DNAH6: variants seen among roughly 807,000 people sequenced by gnomAD.
DNAH6 encodes dynein axonemal heavy chain 6, also known as axonemal beta dynein heavy chain 6.
DNAH6 carries 340 observed loss-of-function variants against 491.4 expected under a neutral mutation model. The ratio of observed to expected loss-of-function variants is 0.69; its 90% CI spans 0.63 to 0.76. The LOEUF (loss-of-function observed/expected upper bound fraction) is 0.76. DNAH6 is among the 30% of genes least tolerant of loss of function. The pLI is 0.00. For synonymous variants in DNAH6, 1,603 were observed against 1,686.1 expected, an observed-to-expected ratio of 0.95 and a Z score of 1.21; for missense variants, 4,443 against 4,972.2, an observed-to-expected ratio of 0.89 and a Z score of 3.20.
chr2:84,658,610 A>T (rs1006212592), intron 36 of DNAH6, 136 bp downstream of exon 36: 1 of 598,906 alleles, frequency 1.7e-6, no homozygotes, highest in Non-Finnish European at 2.7e-6. Context: ...AATAGCTATG[A>T]TGTCATTCTT....
At chr2:84,560,243 T>A (rs1275392518) in intron 11 of DNAH6, among the ~76,000 whole-genome samples, 1 of 152,074 alleles carries the variant, frequency 6.6e-6, no homozygotes, top group Non-Finnish European at 1.5e-5. Flanking sequence ...ATTATTAGAT[T>A]TTAAGGCTAA....
chr2:84,698,855 C>G (rs1431058207), intron 47 of DNAH6, among the ~76,000 whole-genome samples: 1 of 152,098 alleles, frequency 6.6e-6, no homozygotes, highest in Admixed American at 6.6e-5. Flanking sequence ...ACTACACAGC[C>G]ATTAAAAATA....
At chr2:84,601,455 A>G (rs1685238808) in intron 18 of DNAH6, among the ~76,000 whole-genome samples, 1 of 152,002 alleles carries the variant, frequency 6.6e-6, no homozygotes, top group Non-Finnish European at 1.5e-5. Flanking sequence ...CCCCTTCATC[A>G]TTATTAATTT....
intron 42 of DNAH6, among the ~76,000 whole-genome samples, chr2:84,683,562 A>G (rs1296362946): frequency 6.6e-6 from 1 of 151,636 alleles, no homozygotes; most frequent in Non-Finnish European, 1.5e-5. Context: ...AGCTTGGATT[A>G]CAGGTGCACA....
chr2:84,510,333 C>T, the DNAH6 span, among the ~76,000 whole-genome samples: 1 of 152,130 alleles, frequency 6.6e-6, no homozygotes, highest in Admixed American at 6.6e-5. Flanking sequence ...TTTGATCTTC[C>T]ATCACTGATA....
At chr2:84,463,179 T>G in the DNAH6 span, among the ~76,000 whole-genome samples, 5 of 152,072 alleles carry the variant, frequency 3.3e-5, no homozygotes, top group Non-Finnish European at 5.9e-5. Context: ...TCTAAGAGAT[T>G]GTATCCAAAC....
At chr2:84,645,609 G>A (rs1689823980) in intron 33 of DNAH6, among the ~76,000 whole-genome samples, 3 of 152,078 alleles carry the variant, frequency 2.0e-5, no homozygotes, top group Non-Finnish European at 4.4e-5. Context: ...GGGGCTGTTT[G>A]TTTTTTCTTG....
intron 64 of DNAH6, chr2:84,777,766 A>G (rs1676288710): frequency 1.1e-6 from 1 of 922,160 alleles, no homozygotes; most frequent in Non-Finnish European, 1.8e-6. Context: ...GATTGCAACC[A>G]CTTCCAATAA....
At chr2:84,813,799 C>T (rs574171075) in intron 74 of DNAH6, among the ~76,000 whole-genome samples, 172 bp from the exon 75 acceptor site, 115 of 152,176 alleles carry the variant, frequency 7.6e-4, no homozygotes, top group African/African-American at 2.6e-3. Context: ...CAACATGACC[C>T]GCAGGCTTCC....
At chr2:84,714,617 T>C (rs1242758578) in intron 57 of DNAH6, among the ~76,000 whole-genome samples, 1 of 151,796 alleles carries the variant, frequency 6.6e-6, no homozygotes, top group Non-Finnish European at 1.5e-5. Context: ...ATCAGAATGT[T>C]TTTTACTCAA....
At chr2:84,590,368 G>A (rs1162185895) in intron 16 of DNAH6, among the ~76,000 whole-genome samples, 7 of 151,798 alleles carry the variant, frequency 4.6e-5, no homozygotes, top group Non-Finnish European at 8.8e-5. Flanking sequence ...AGTGGCAGGC[G>A]CCTGTAATCC....
rs146684859 is a variant in DNAH6 at position 84,793,704 on chromosome 2, G to A, written c.11240-2602G>A. On this transcript the variant is annotated intron_variant, in intron 68 of 76. Transcript: ENST00000389394. Reference sequence around the variant, plus strand: ...CTCCTTTTTACATCTTGGAATTGCCGATACAGGGATTCAGCAACTTAACCA... The same window carrying A: ...CTCCTTTTTACATCTTGGAATTGCCAATACAGGGATTCAGCAACTTAACCA... 9.5e-4 allele frequency among the ~76,000 whole-genome samples: 145 copies of A among 152,248 alleles called. 1 individual carries two copies. The highest frequency in any genetic ancestry group is 3.4e-3 in the Middle Eastern group (1 of 294).
the DNAH6 span, among the ~76,000 whole-genome samples, chr2:84,510,258 G>A: frequency 6.6e-6 from 1 of 152,168 alleles, no homozygotes; most frequent in African/African-American, 2.4e-5. Context: ...ATATTTCTTG[G>A]AGGCTTTGTT....
intron 47 of DNAH6, 143 bp from the exon 48 acceptor site, chr2:84,699,451 A>G: frequency 2.8e-6 from 2 of 715,866 alleles, no homozygotes; most frequent in East Asian, 2.8e-5. Context: ...GGTTGGAGTG[A>G]ATGTTGAACA....
At position 84,544,216 on chromosome 2, in the gene DNAH6, T is replaced by G; in HGVS notation, c.663-17T>G. The G allele has an allele frequency of 1.5e-6, 2 of 1,311,134 alleles. No homozygotes were observed. Among genetic ancestry groups the G allele is most frequent in the Non-Finnish European group, 2.1e-6 (2 of 969,314 alleles). 81.2% of individuals were successfully genotyped at this position (1,311,134 alleles called of 1,614,324 possible). ...TGAATACTTTATTTATTAGTCCCAA[T>G]TTTTATTTGTTTATAGAGTTGTAAG... On this transcript the variant is annotated splice_polypyrimidine_tract_variant and intron_variant, in intron 4 of 76. Coordinates refer to ENST00000389394, the MANE Select transcript of DNAH6 (RefSeq NM_001370.2).
At position 84,819,455 on chromosome 2, in the gene DNAH6, C is replaced by A; in HGVS notation, c.*47C>A. The stretch of plus-strand genomic sequence containing the variant: ...AAAAAGAACCAGGCCAGAGATCTTT[C>A]CTAATGGGAGCAAAAGGTTTGAATA... On this transcript the variant is annotated 3_prime_UTR_variant, in exon 77 of 77. Transcript: ENST00000389394. The A allele has an allele frequency of 7.9e-7, 1 of 1,258,526 alleles. No homozygotes were observed. Among genetic ancestry groups the A allele is most frequent in the Non-Finnish European group, 1.1e-6 (1 of 896,214 alleles). 78.0% of individuals were successfully genotyped at this position (1,258,526 alleles called of 1,614,324 possible).
At chr2:84,556,709 T>C (rs1021960299) in intron 10 of DNAH6, among the ~76,000 whole-genome samples, 1 of 152,228 alleles carries the variant, frequency 6.6e-6, no homozygotes, top group Non-Finnish European at 1.5e-5. Flanking sequence ...TTTTAGTGCA[T>C]ACTGATATGC....
At chr2:84,809,755 A>G (rs1679781726) in intron 72 of DNAH6, among the ~76,000 whole-genome samples, 1 of 152,212 alleles carries the variant, frequency 6.6e-6, no homozygotes, top group Non-Finnish European at 1.5e-5. Context: ...TCAACAGACA[A>G]CTTCTGTGTC....
At chr2:84,619,112 A>G (rs1478634670) in intron 23 of DNAH6, among the ~76,000 whole-genome samples, 1 of 152,226 alleles carries the variant, frequency 6.6e-6, no homozygotes, top group Non-Finnish European at 1.5e-5. Flanking sequence ...ACATAGGTAT[A>G]GCCTCACATG....
Sources: allele counts gnomAD v4.1 joint callset (sites outside exome capture counted in the v4.1 genomes callset), GRCh38; gene constraint gnomAD v4.1.1; transcripts MANE v1.5; gene names NCBI Gene and HGNC (gene_info 2026-07-23, HGNC 2026-07-21).